RORB: variants seen among roughly 807,000 people sequenced by gnomAD.
RORB encodes nuclear receptor ROR-beta.
Under a neutral mutation model 59.1 loss-of-function variants are expected in RORB, and 6 were observed. That is an observed-to-expected ratio of 0.10 (90% CI 0.06 to 0.20). The LOEUF (loss-of-function observed/expected upper bound fraction) is 0.20, where lower values mean the gene tolerates loss of function less well. Among genes scored for constraint, RORB ranks in the 10% least tolerant of loss-of-function variants. The pLI is 1.00. For synonymous variants in RORB, 215 were observed against 204.5 expected (o/e 1.05, Z -0.44); for missense variants, 320 against 560.5 (o/e 0.57, Z 4.33).
At chr9:74,575,217 C>G (rs972046533) in intron 1 of RORB, among the ~76,000 whole-genome samples, 1 of 152,072 alleles carries the variant, frequency 6.6e-6, no homozygotes, top group Non-Finnish European at 1.5e-5. Context: ...CCCGGTATTA[C>G]TCTTCTCATT....
intron 1 of RORB, among the ~76,000 whole-genome samples, chr9:74,502,517 G>C (rs916538894): frequency 2.6e-5 from 4 of 151,846 alleles, no homozygotes; most frequent in Non-Finnish European, 4.4e-5. Context: ...AGATATAAAA[G>C]TATAAATCAC....
intron 1 of RORB, among the ~76,000 whole-genome samples, chr9:74,506,688 C>G (rs1420033884): frequency 6.6e-6 from 1 of 152,086 alleles, no homozygotes; most frequent in African/African-American, 2.4e-5. Context: ...TTGAAACTTG[C>G]AGGCAGCCAA....
chr9:74,637,362 A>G (rs1431182636), intron 3 of RORB, among the ~76,000 whole-genome samples: 2 of 152,224 alleles, frequency 1.3e-5, no homozygotes, highest in African/African-American at 2.4e-5. Context: ...TTTCACTGCT[A>G]TATCGGTTTA....
intron 1 of RORB, among the ~76,000 whole-genome samples, chr9:74,522,072 G>A (rs1276000781): frequency 6.6e-6 from 1 of 151,746 alleles, no homozygotes; most frequent in African/African-American, 2.4e-5. Context: ...AGTCACTTAA[G>A]ACCTTTCTGC....
At chr9:74,638,430 A>G (rs1378243070) in intron 3 of RORB, among the ~76,000 whole-genome samples, 1 of 152,220 alleles carries the variant, frequency 6.6e-6, no homozygotes, top group African/African-American at 2.4e-5. Flanking sequence ...CAAATACCAC[A>G]TCATTGAATA....
At chr9:74,557,671 T>G (rs1348409228) in intron 1 of RORB, among the ~76,000 whole-genome samples, 7 of 152,106 alleles carry the variant, frequency 4.6e-5, no homozygotes, top group African/African-American at 1.7e-4. Context: ...TTAACATGGC[T>G]TTCTGCAACT....
rs774553218 is a variant in RORB at position 74,642,790 on chromosome 9, A to C, written c.612A>C (p.Ala204=). 6.3e-7 allele frequency: 1 copy of C among 1,595,084 alleles called. No homozygotes were observed. Among genetic ancestry groups the C allele is most frequent in the South Asian group, 1.1e-5 (1 of 89,356 alleles). The change falls in exon 4 of 10, where the codon GCA becomes GCC. Residue 204 remains alanine (A), a synonymous_variant. Coordinates refer to ENST00000376896, the MANE Select transcript of RORB (RefSeq NM_006914.4). Reference sequence around the variant, plus strand: ...GCTCTTTCAACAATGGGCAGTTAGCACCAGGGATAACCATGACTGAAATCG... The same window carrying C: ...GCTCTTTCAACAATGGGCAGTTAGCCCCAGGGATAACCATGACTGAAATCG... ...TYSSFNNGQL[A]PGITMTEIDR... is the part of the protein sequence containing the mutation.
chr9:74,596,618 A>G (rs923933013), intron 1 of RORB, among the ~76,000 whole-genome samples: 4 of 152,160 alleles, frequency 2.6e-5, no homozygotes, highest in Non-Finnish European at 4.4e-5. Context: ...CTAAGAGAGT[A>G]TCCCTGGAGA....
intron 1 of RORB, among the ~76,000 whole-genome samples, chr9:74,574,774 G>T (rs1032596538): frequency 7.9e-5 from 12 of 152,222 alleles, no homozygotes; most frequent in African/African-American, 2.9e-4. Context: ...CTAGTGATAT[G>T]ATTTTCACAA....
rs557732340 is a variant in RORB, at chr9:74,633,053, C to G, written c.94-1578C>G. On this transcript the variant is annotated intron_variant, in intron 2 of 9. Coordinates refer to ENST00000376896, the MANE Select transcript of RORB (RefSeq NM_006914.4). ...TCTCTGAGGAGATGCTCGGCCACAC[C>G]TCCGTGTCTGAGTTTCCTCACAGGT... 1.1e-4 allele frequency among the ~76,000 whole-genome samples: 17 copies of G among 152,270 alleles called. No homozygotes were observed. In the East Asian group the frequency reaches 3.1e-3, roughly 28 times the overall value.
intron 1 of RORB, among the ~76,000 whole-genome samples, chr9:74,596,015 T>C (rs774376925): frequency 2.6e-5 from 4 of 152,150 alleles, no homozygotes; most frequent in Non-Finnish European, 5.9e-5. Context: ...AACTCAGAGT[T>C]TGAGTTGGTT....
chr9:74,600,492 G>C lies in RORB; in HGVS notation c.8-29790G>C, dbSNP rs1046664359. On this transcript the variant is annotated intron_variant, in intron 1 of 9. Coordinates refer to ENST00000376896, the MANE Select transcript of RORB (RefSeq NM_006914.4). ...AGAAAACTTCATGAAGTCCTTCTGAGGCAATTGGTGTTTCTGGGATCACTG... is the reference window on the plus strand; with the variant it reads ...AGAAAACTTCATGAAGTCCTTCTGACGCAATTGGTGTTTCTGGGATCACTG... 9.9e-5 allele frequency among the ~76,000 whole-genome samples: 15 copies of C among 152,276 alleles called. 1 individual carries two copies. The highest frequency in any genetic ancestry group is 2.9e-4 in the African/African-American group (12 of 41,556).
At chr9:74,560,549 T>C (rs1259046370) in intron 1 of RORB, among the ~76,000 whole-genome samples, 1 of 151,968 alleles carries the variant, frequency 6.6e-6, no homozygotes, top group African/African-American at 2.4e-5. Flanking sequence ...CAGAAGTTTT[T>C]AGATTTGGTA....
intron 1 of RORB, among the ~76,000 whole-genome samples, chr9:74,559,526 T>G (rs1822363347): frequency 6.6e-6 from 1 of 152,222 alleles, no homozygotes; most frequent in African/African-American, 2.4e-5. Flanking sequence ...AAGCTGTTTT[T>G]CTTTTTAATA....
At chr9:74,680,093 C>T (rs1316461665) in intron 9 of RORB, among the ~76,000 whole-genome samples, 2 of 152,166 alleles carry the variant, frequency 1.3e-5, no homozygotes, top group Non-Finnish European at 2.9e-5. Flanking sequence ...CAGAGCGAGA[C>T]TGTGTCTCTA....
At position 74,665,450 on chromosome 9, in the gene RORB, AT is replaced by A. The variant is rs763225045; in HGVS notation, c.893-33del. The A allele has an allele frequency of 9.8e-5, 128 of 1,310,964 alleles. No individual in the cohort carries two copies. The South Asian group carries it at 1.7e-3, about 18-fold the overall frequency. 81.2% of individuals were successfully genotyped at this position (1,310,964 alleles called of 1,614,324 possible). Reference sequence around the variant, plus strand: ...TCTTTATTATTGGATATATATGTGTATTTTTATTTTATTTTTATTTTTATTT... The same window carrying A: ...TCTTTATTATTGGATATATATGTGTATTTTATTTTATTTTTATTTTTATTT... On this transcript the variant is annotated intron_variant, in intron 6 of 9. Coordinates refer to ENST00000376896, the MANE Select transcript of RORB (RefSeq NM_006914.4).
chr9:74,637,643 A>C (rs968689819), intron 3 of RORB, among the ~76,000 whole-genome samples: 1 of 152,002 alleles, frequency 6.6e-6, no homozygotes, highest in Non-Finnish European at 1.5e-5. Flanking sequence ...ACTGTTTCCA[A>C]TTGTGCTACT....
intron 1 of RORB, among the ~76,000 whole-genome samples, chr9:74,517,471 A>C (rs2118058859): frequency 6.6e-6 from 1 of 152,066 alleles, no homozygotes; most frequent in East Asian, 1.9e-4. Flanking sequence ...GCAGTCAAAA[A>C]CCTGCTTTCT....
chr9:74,507,161 C>G (rs950864867), intron 1 of RORB, among the ~76,000 whole-genome samples: 3 of 152,078 alleles, frequency 2.0e-5, no homozygotes, highest in Admixed American at 2.0e-4. Context: ...GGCCAGTGTA[C>G]TATTCTGGTT....
Sources: allele counts gnomAD v4.1 joint callset (sites outside exome capture counted in the v4.1 genomes callset), GRCh38; gene constraint gnomAD v4.1.1; transcripts MANE v1.5; gene names NCBI Gene and HGNC (gene_info 2026-07-23, HGNC 2026-07-21).